Variants in ASB3 observed in about 807,000 individuals in gnomAD.
The protein encoded by ASB3 is ankyrin repeat and SOCS box protein 3.
In ASB3, 41 loss-of-function variants were observed where a neutral mutation model predicts 54.5. The observed-to-expected ratio is 0.75, with a 90% CI of 0.59 to 0.98. ASB3 has a LOEUF of 0.98. ASB3 is among the 50% of genes least tolerant of loss of function. The pLI, the probability that ASB3 is intolerant of heterozygous loss-of-function variation, is 0.00. For synonymous variants in ASB3, 266 were observed against 221.2 expected (o/e 1.20, Z -1.80); for missense variants, 733 against 620.0 (o/e 1.18, Z -1.94).
In ASB3 at chr2:53,671,822, T is replaced by C. The variant is rs531663748; in HGVS notation, c.1370-1132A>G. Among the ~76,000 whole-genome samples the C allele has an allele frequency of 4.7e-5, 7 of 150,526 alleles. No individual in the cohort carries two copies. In the East Asian group the frequency reaches 1.4e-3, roughly 29 times the overall value. On this transcript the variant is annotated intron_variant, in intron 9 of 9. Transcript: ENST00000263634. ...ATTTTCCAAGATGAAAAGTGTTAAA[T>C]AAAGAAGTTAATGTCTGCTTTTATG... is the stretch of plus-strand genomic sequence containing the variant.
intron 1 of ASB3, among the ~76,000 whole-genome samples, chr2:53,771,138 C>G (rs1673874269): frequency 6.6e-6 from 1 of 152,188 alleles, no homozygotes; most frequent in Non-Finnish European, 1.5e-5. Context: ...GTCAAGCCCT[C>G]TAGGTCATTT....
At chr2:53,676,832 C>T (rs547952724) in intron 9 of ASB3, among the ~76,000 whole-genome samples, 4 of 152,298 alleles carry the variant, frequency 2.6e-5, no homozygotes, top group African/African-American at 4.8e-5. Context: ...TGCAGTGGCA[C>T]GATCTCAGCT....
In ASB3 at chr2:53,782,814, T is replaced by G. The variant is rs531602336; in HGVS notation, c.-14+4007A>C. On this transcript the variant is annotated intron_variant, in intron 1 of 9. Coordinates refer to ENST00000263634, the MANE Select transcript of ASB3 (RefSeq NM_016115.5). The stretch of plus-strand genomic sequence containing the variant: ...TAATTTTTTTTTTTTTAGATGAAGT[T>G]TCACTTTTGTCATCCAGGCTGGAGT... Among the ~76,000 whole-genome samples the G allele has an allele frequency of 1.1e-4, 16 of 152,236 alleles. No homozygotes were observed. The South Asian group carries it at 3.1e-3, about 30-fold the overall frequency.
intron 5 of ASB3, 109 bp from the exon 6 acceptor site, chr2:53,716,852 C>T: frequency 8.4e-7 from 1 of 1,194,336 alleles, no homozygotes; most frequent in Non-Finnish European, 1.1e-6. Context: ...GTAAGCTTTT[C>T]CCTCTTCACT....
At chr2:53,683,293 G>A (rs1208085944) in intron 9 of ASB3, among the ~76,000 whole-genome samples, 2 of 152,118 alleles carry the variant, frequency 1.3e-5, no homozygotes, top group East Asian at 1.9e-4. Context: ...GTTGAACCAC[G>A]CTTGCATCCC....
At chr2:53,766,583 T>G (rs1558569518) in intron 1 of ASB3, among the ~76,000 whole-genome samples, 2 of 152,224 alleles carry the variant, frequency 1.3e-5, no homozygotes, top group Non-Finnish European at 2.9e-5. Context: ...ACTTCAAATG[T>G]TCTCCATTTA....
chr2:53,746,502 G>A, intron 3 of ASB3, among the ~76,000 whole-genome samples: 1 of 112,798 alleles, frequency 8.9e-6, no homozygotes, highest in Non-Finnish European at 1.8e-5. Flanking sequence ...TTTTTTTTGA[G>A]ACAGAGTTAT....
intron 1 of ASB3, chr2:53,767,880 C>A: frequency 6.2e-7 from 1 of 1,604,810 alleles, no homozygotes; most frequent in Non-Finnish European, 8.5e-7. Flanking sequence ...AGAGGAGCCG[C>A]GAGAAGATGT....
intron 3 of ASB3, among the ~76,000 whole-genome samples, chr2:53,737,411 G>A (rs1426267932): frequency 1.3e-5 from 2 of 152,180 alleles, no homozygotes; most frequent in African/African-American, 2.4e-5. Flanking sequence ...TAAGGCCCTA[G>A]AGAAGAGTGA....
intron 2 of ASB3, among the ~76,000 whole-genome samples, 190 bp from the exon 3 acceptor site, chr2:53,751,131 T>C (rs1004993034): frequency 1.3e-5 from 2 of 152,176 alleles, no homozygotes; most frequent in Admixed American, 6.5e-5. Context: ...AACAGCTCTT[T>C]GGTATTCTTA....
intron 2 of ASB3, among the ~76,000 whole-genome samples, chr2:53,761,188 C>T (rs148398986): frequency 2.6e-5 from 4 of 152,240 alleles, no homozygotes; most frequent in South Asian, 2.1e-4. Context: ...CTTTAAACAC[C>T]GGGCTTGTAA....
At chr2:53,723,999 G>T (rs1038620914) in intron 5 of ASB3, among the ~76,000 whole-genome samples, 2 of 152,014 alleles carry the variant, frequency 1.3e-5, no homozygotes. Context: ...AAAAAAAAAT[G>T]AGAAAACACT....
intron 5 of ASB3, among the ~76,000 whole-genome samples, chr2:53,721,904 A>C (rs1242703803): frequency 6.6e-6 from 1 of 152,152 alleles, no homozygotes; most frequent in African/African-American, 2.4e-5. Context: ...TGAAACCAAA[A>C]GTTGGTTCTT....
At position 53,730,084 on chromosome 2, in the gene ASB3, C is replaced by T. The variant is rs889811152; in HGVS notation, c.356-514G>A. ...TTATATCCATCAATGAAAATGTAAA[C>T]GTTCTTACTTATGTGAACTAAAAGC... On this transcript the variant is annotated intron_variant, in intron 3 of 9. Transcript: ENST00000263634. 2.6e-5 allele frequency among the ~76,000 whole-genome samples: 4 copies of T among 152,040 alleles called. No individual in the cohort carries two copies. In the South Asian group the frequency reaches 6.2e-4, roughly 24 times the overall value.
At chr2:53,731,128 G>A (rs1211251025) in intron 3 of ASB3, among the ~76,000 whole-genome samples, 1 of 152,140 alleles carries the variant, frequency 6.6e-6, no homozygotes, top group Non-Finnish European at 1.5e-5. Context: ...TCCACCGAGT[G>A]TGGTGGCTCC....
At chr2:53,756,852 G>A (rs1013426610) in intron 2 of ASB3, 4 of 152,886 alleles carry the variant, frequency 2.6e-5, no homozygotes, top group African/African-American at 9.6e-5. Context: ...GATCCAGCGA[G>A]GCGGCGCCCA....
intron 2 of ASB3, among the ~76,000 whole-genome samples, chr2:53,752,659 C>T (rs1672583514): frequency 6.6e-6 from 1 of 152,256 alleles, no homozygotes; most frequent in South Asian, 2.1e-4. Flanking sequence ...GCTGTCTCCT[C>T]TCTCTATCAG....
At chr2:53,767,591 G>A (rs1039236303) in intron 1 of ASB3, 31 of 345,244 alleles carry the variant, frequency 9.0e-5, no homozygotes, top group Non-Finnish European at 1.6e-4. Context: ...GTAGTTTTCT[G>A]CACACGGGCA....
chr2:53,762,062 G>C (rs1673175294), intron 2 of ASB3, among the ~76,000 whole-genome samples: 1 of 152,156 alleles, frequency 6.6e-6, no homozygotes, highest in African/African-American at 2.4e-5. Context: ...ATATATTGAG[G>C]GTGGTCTGTC....
Sources: gnomAD v4.1 joint callset for allele counts (sites outside exome capture counted in the v4.1 genomes callset) on GRCh38, gnomAD v4.1.1 for gene constraint, MANE v1.5 for transcripts, NCBI Gene and HGNC (gene_info 2026-07-23, HGNC 2026-07-21) for gene names.